CHD6: variants seen among roughly 807,000 people sequenced by gnomAD.
CHD6 encodes the protein ATP-dependent chromatin remodeler CHD6.
In CHD6, 50 loss-of-function variants were observed where a neutral mutation model predicts 276.9. That is an observed-to-expected ratio of 0.18 (90% CI 0.14 to 0.23). The LOEUF is 0.23. Ranked by LOEUF, CHD6 falls within the 10% of genes least tolerant of loss-of-function variation. The pLI is 1.00. For missense variants in CHD6, 2,564 were observed against 3,365.8 expected, an observed-to-expected ratio of 0.76 and a Z score of 5.89; for synonymous variants, 1,173 against 1,229.3, an observed-to-expected ratio of 0.95 and a Z score of 0.96.
Position 41,420,729 on chromosome 20 carries a change from T to C in CHD6, c.5906A>G (p.Lys1969Arg), listed in dbSNP as rs758072644. Reference sequence around the variant, plus strand: ...CATGGCGATAGTATTGGTTTTACTTTTGAACAGATCTGGGATATAAGCCTT... The same window carrying C: ...CATGGCGATAGTATTGGTTTTACTTCTGAACAGATCTGGGATATAAGCCTT... Reference protein sequence around the residue: ...KPKAYIPDLFKSKTNTIAMEG... With the variant: ...KPKAYIPDLFRSKTNTIAMEG... The change falls in exon 31 of 37, where the codon AAA becomes AGA. Residue 1969 changes from lysine (K) to arginine (R), a missense_variant. Coordinates refer to ENST00000373233, the MANE Select transcript of CHD6 (RefSeq NM_032221.5). 10 of 1,614,130 alleles carry C rather than the reference T, an allele frequency of 6.2e-6. No individual in the cohort carries two copies. The highest frequency in any genetic ancestry group is 5.0e-5 in the Admixed American group (3 of 60,006).
At chr20:41,535,406 T>C (rs928768385) in intron 2 of CHD6, among the ~76,000 whole-genome samples, 4 of 152,180 alleles carry the variant, frequency 2.6e-5, no homozygotes, top group African/African-American at 9.6e-5. Context: ...TGATGTTAAT[T>C]GATATGCCCA....
chr20:41,572,607 G>A (rs544934814), intron 1 of CHD6, among the ~76,000 whole-genome samples: 2 of 152,236 alleles, frequency 1.3e-5, no homozygotes, highest in East Asian at 1.9e-4. Context: ...TTCCCAATGC[G>A]GACTCTGCAT....
intron 1 of CHD6, among the ~76,000 whole-genome samples, chr20:41,614,027 A>G (rs2045913126): frequency 6.6e-6 from 1 of 152,098 alleles, no homozygotes; most frequent in South Asian, 2.1e-4. Flanking sequence ...AAAAAAATCT[A>G]AAACCAAAAT....
intron 34 of CHD6, chr20:41,414,335 A>G (rs1390521316): frequency 6.6e-6 from 1 of 152,366 alleles, no homozygotes; most frequent in African/African-American, 2.4e-5. Context: ...TTAAAGCCTT[A>G]TTTTCCTCAC....
chr20:41,458,433 T>C (rs935899984), intron 17 of CHD6, among the ~76,000 whole-genome samples: 5 of 152,252 alleles, frequency 3.3e-5, no homozygotes, highest in African/African-American at 7.2e-5. Flanking sequence ...ATTTGGCTCA[T>C]GGGAGCCTCT....
At chr20:41,558,679 A>G (rs1227111371) in intron 1 of CHD6, among the ~76,000 whole-genome samples, 7 of 152,078 alleles carry the variant, frequency 4.6e-5, no homozygotes, top group Non-Finnish European at 1.0e-4. Context: ...GGGGACAAGT[A>G]ACCTTTCCAT....
At chr20:41,556,351 T>C (rs1601138818) in intron 1 of CHD6, among the ~76,000 whole-genome samples, 3 of 136,662 alleles carry the variant, frequency 2.2e-5, no homozygotes, top group African/African-American at 8.6e-5. Flanking sequence ...TTTGAGACAG[T>C]CTCCGCTAAT....
chr20:41,469,784 A>G (rs2043012053), intron 17 of CHD6, among the ~76,000 whole-genome samples: 3 of 152,254 alleles, frequency 2.0e-5, no homozygotes, highest in South Asian at 2.1e-4. Flanking sequence ...AGATCTCCCC[A>G]TTAAGGGGAC....
chr20:41,613,706 T>C (rs1236080031), intron 1 of CHD6, among the ~76,000 whole-genome samples: 1 of 152,202 alleles, frequency 6.6e-6, no homozygotes, highest in Non-Finnish European at 1.5e-5. Context: ...TGACCTAAAT[T>C]AATGATCCTT....
chr20:41,465,990 G>T (rs2042910761), intron 17 of CHD6, among the ~76,000 whole-genome samples: 1 of 152,124 alleles, frequency 6.6e-6, no homozygotes, highest in South Asian at 2.1e-4. Flanking sequence ...GGATCACAAG[G>T]TCAGGAGTTC....
In CHD6 at chr20:41,493,524, C is replaced by G. The variant is rs367779459; in HGVS notation, c.1314+14G>C. 1.2e-6 allele frequency: 2 copies of G among 1,612,388 alleles called. No homozygotes were observed. Among genetic ancestry groups the G allele is most frequent in the African/African-American group, 2.7e-5 (2 of 74,858 alleles). On this transcript the variant is annotated intron_variant, in intron 10 of 36. Transcript: ENST00000373233. Reference sequence around the variant, plus strand: ...TGTTCCGAGAAGTGCCAGAGAGAGACAAAACTACTTTACCACATGCTTAAT... The same window carrying G: ...TGTTCCGAGAAGTGCCAGAGAGAGAGAAAACTACTTTACCACATGCTTAAT...
intron 36 of CHD6, among the ~76,000 whole-genome samples, chr20:41,407,625 T>G (rs913054515): frequency 6.6e-6 from 1 of 152,214 alleles, no homozygotes; most frequent in Non-Finnish European, 1.5e-5. Flanking sequence ...AGATTTTTAT[T>G]TAAGGGGCAG....
chr20:41,406,661 G>A (rs1021593834), intron 36 of CHD6, among the ~76,000 whole-genome samples: 3 of 152,232 alleles, frequency 2.0e-5, no homozygotes, highest in Non-Finnish European at 2.9e-5. Flanking sequence ...CCTAGAGATT[G>A]AGAGAATTTC....
chr20:41,450,908 C>G, intron 23 of CHD6, 38 bp downstream of exon 23: 1 of 1,584,112 alleles, frequency 6.3e-7, no homozygotes. Flanking sequence ...CAGTCTGAGC[C>G]GGGCTGCCAC....
intron 25 of CHD6, among the ~76,000 whole-genome samples, chr20:41,441,081 G>A (rs2047887801): frequency 6.6e-6 from 1 of 152,172 alleles, no homozygotes. Context: ...TCCATGACAG[G>A]TGCTGCCCAC....
chr20:41,611,052 T>C (rs1420408211), intron 1 of CHD6, among the ~76,000 whole-genome samples: 1 of 152,240 alleles, frequency 6.6e-6, no homozygotes, highest in East Asian at 1.9e-4. Flanking sequence ...CCTTGCTTTT[T>C]GTAAAGCCTT....
intron 1 of CHD6, among the ~76,000 whole-genome samples, chr20:41,599,795 C>A (rs2146283136): frequency 6.6e-6 from 1 of 152,334 alleles, no homozygotes; most frequent in South Asian, 2.1e-4. Context: ...TAGCAAATCT[C>A]TGACTCTGTA....
chr20:41,479,626 A>G (rs1377975848), intron 16 of CHD6, among the ~76,000 whole-genome samples: 1 of 152,170 alleles, frequency 6.6e-6, no homozygotes, highest in Non-Finnish European at 1.5e-5. Flanking sequence ...AGATGAAGAT[A>G]AAAAAATTCT....
rs1265493346 is a variant in CHD6 at position 41,493,592 on chromosome 20, A to G, written c.1260T>C (p.Pro420=). ...GAGATTCAAATTCTTTAACTTTTGC[A>G]GGATCTACATCTTCCTCTAGCTCCC... is the stretch of plus-strand genomic sequence containing the variant. ...STWELEEDVD[P]AKVKEFESLQ... Residue 420 remains proline, a synonymous_variant, in exon 10 of 37, where the codon CCT becomes CCC. Transcript: ENST00000373233. The G allele has an allele frequency of 3.1e-6, 5 of 1,613,882 alleles. No individual in the cohort carries two copies. The highest frequency in any genetic ancestry group is 4.2e-6 in the Non-Finnish European group (5 of 1,179,806).
Sources: allele counts gnomAD v4.1 joint callset (sites outside exome capture counted in the v4.1 genomes callset), GRCh38; gene constraint gnomAD v4.1.1; transcripts MANE v1.5; gene names NCBI Gene and HGNC (gene_info 2026-07-23, HGNC 2026-07-21).